MYOM1: variants seen among roughly 807,000 people sequenced by gnomAD.
MYOM1 encodes the protein myomesin 1, also known as myomesin-1.
A neutral mutation model predicts 205.3 loss-of-function variants in MYOM1; 164 were observed. That is an observed-to-expected ratio of 0.80 (90% CI 0.70 to 0.91). The LOEUF (loss-of-function observed/expected upper bound fraction) is 0.91. MYOM1 is among the 40% of genes least tolerant of loss of function. MYOM1 has a pLI of 0.00. For missense variants in MYOM1, 2,011 were observed against 2,127.3 expected, an observed-to-expected ratio of 0.95 and a Z score of 1.08; for synonymous variants, 772 against 789.4, an observed-to-expected ratio of 0.98 and a Z score of 0.37.
intron 18 of MYOM1, among the ~76,000 whole-genome samples, chr18:3,127,760 A>T (rs1157802131): frequency 1.3e-5 from 2 of 152,212 alleles, no homozygotes; most frequent in Non-Finnish European, 2.9e-5. Context: ...AAACATTTTT[A>T]AAAAACAGAC....
Position 3,076,887 on chromosome 18 carries a change from T to C in MYOM1, c.4649-1126A>G, listed in dbSNP as rs138451339. Among the ~76,000 whole-genome samples, 1,473 of 152,216 alleles carry C rather than the reference T, an allele frequency of 9.7e-3. 22 individuals are homozygous for C. Among genetic ancestry groups the C allele is most frequent in the African/African-American group, 0.033 (1,350 of 41,518 alleles). ...CACCACCATGACCAGCTAATTTTTG[T>C]ATTTTTTGTAGAGACGGGGTTTCAC... On this transcript the variant is annotated intron_variant, in intron 34 of 37. Coordinates refer to ENST00000356443, the MANE Select transcript of MYOM1 (RefSeq NM_003803.4).
At chr18:3,094,379 G>GAAAAAAA (rs36091956) in intron 25 of MYOM1, 73 bp from the exon 26 acceptor site, 1 of 766,890 alleles carries the variant, frequency 1.3e-6, no homozygotes, top group Non-Finnish European at 1.9e-6. Flanking sequence ...TCCATCAAGT[G>GAAAAAAA]AAAAAAAAAA....
the MYOM1 span, among the ~76,000 whole-genome samples, chr18:3,239,771 A>G: frequency 6.6e-6 from 1 of 150,536 alleles, no homozygotes; most frequent in East Asian, 1.9e-4. Flanking sequence ...AAAAAAAAAA[A>G]AAAAAAAAAA....
At chr18:3,246,864 C>T in the MYOM1 span, 1 of 152,178 alleles carries the variant, frequency 6.6e-6, no homozygotes, top group Non-Finnish European at 1.5e-5. Flanking sequence ...ACAAGTCTTC[C>T]TTATCGGATT....
chr18:3,098,526 C>G (rs2079335834), intron 25 of MYOM1, among the ~76,000 whole-genome samples: 1 of 152,098 alleles, frequency 6.6e-6, no homozygotes, highest in African/African-American at 2.4e-5. Context: ...ATCCACCCAC[C>G]TTGGCCTCCC....
intron 14 of MYOM1, among the ~76,000 whole-genome samples, chr18:3,136,141 T>C (rs967356622): frequency 1.3e-5 from 2 of 151,968 alleles, no homozygotes; most frequent in Non-Finnish European, 2.9e-5. Context: ...CCTGCCACCG[T>C]GTAAGACGTG....
chr18:3,161,905 G>A (rs1202402098), intron 10 of MYOM1, among the ~76,000 whole-genome samples: 3 of 152,114 alleles, frequency 2.0e-5, no homozygotes, highest in Non-Finnish European at 4.4e-5. Flanking sequence ...TGACAAGCCG[G>A]TAAAGCCTAG....
chr18:3,163,137 G>A (rs2080418668), intron 10 of MYOM1, among the ~76,000 whole-genome samples: 1 of 152,186 alleles, frequency 6.6e-6, no homozygotes. Context: ...TTGCTTCCTA[G>A]TTCATCAAAA....
intron 22 of MYOM1, among the ~76,000 whole-genome samples, chr18:3,107,616 A>C (rs923276480): frequency 3.3e-5 from 5 of 152,232 alleles, no homozygotes; most frequent in Admixed American, 6.5e-5. Context: ...GTTTAAGATT[A>C]TGACATTTAT....
At chr18:3,092,174 T>C (rs2079234973) in intron 26 of MYOM1, among the ~76,000 whole-genome samples, 1 of 151,760 alleles carries the variant, frequency 6.6e-6, no homozygotes, top group Admixed American at 6.6e-5. Flanking sequence ...AACTAATACA[T>C]GAAAAAAAAT....
intron 9 of MYOM1, among the ~76,000 whole-genome samples, chr18:3,168,389 A>C (rs1037637119): frequency 1.3e-5 from 2 of 152,144 alleles, no homozygotes; most frequent in African/African-American, 4.8e-5. Flanking sequence ...CCTGGGTTCA[A>C]GTGATTCTCC....
intron 20 of MYOM1, among the ~76,000 whole-genome samples, chr18:3,119,034 G>A (rs150880283): frequency 1.2e-3 from 182 of 152,120 alleles, no homozygotes; most frequent in South Asian, 4.0e-3. Flanking sequence ...AAATCTTAAC[G>A]GCTTAGTAAA....
At chr18:3,089,720 A>AT in intron 27 of MYOM1, 124 bp from the exon 28 acceptor site, 1 of 612,464 alleles carries the variant, frequency 1.6e-6, no homozygotes, top group Non-Finnish European at 2.6e-6. Context: ...AACCCTGCTC[A>AT]TTTTTTATCT....
intron 4 of MYOM1, among the ~76,000 whole-genome samples, chr18:3,188,343 G>A (rs1184393554): frequency 6.6e-6 from 1 of 152,110 alleles, no homozygotes; most frequent in East Asian, 1.9e-4. Context: ...TCAGCTGGGT[G>A]CAGTGGCTCA....
intron 34 of MYOM1, among the ~76,000 whole-genome samples, chr18:3,076,430 G>C (rs4500827): frequency 0.24 from 35,978 of 152,050 alleles, 6,494 homozygotes; most frequent in African/African-American, 0.51. Flanking sequence ...CAAACAAAAA[G>C]GAAAACAAAA....
intron 19 of MYOM1, among the ~76,000 whole-genome samples, chr18:3,123,863 CA>C (rs1194006893): frequency 6.7e-6 from 1 of 148,854 alleles, no homozygotes; most frequent in African/African-American, 2.6e-5. Flanking sequence ...GCTCTGTCAC[CA>C]AGCCTGGAGT....
chr18:3,067,162 G>A lies in MYOM1; in HGVS notation c.*100C>T, dbSNP rs1051583119. ...CTGACATTATTTTCCCCTCAAGCCAGAAAATAATAGGGAGGAGAAAGCATG... is the reference window on the plus strand; with the variant it reads ...CTGACATTATTTTCCCCTCAAGCCAAAAAATAATAGGGAGGAGAAAGCATG... On this transcript the variant is annotated 3_prime_UTR_variant, in exon 38 of 38. Coordinates refer to ENST00000356443, the MANE Select transcript of MYOM1 (RefSeq NM_003803.4). 1 of 1,332,050 alleles carries A rather than the reference G, an allele frequency of 7.5e-7. No homozygotes were observed. Among genetic ancestry groups the A allele is most frequent in the African/African-American group, 1.5e-5 (1 of 67,364 alleles). The allele number at this position is 1,332,050 out of a possible 1,614,324, so 82.5% of individuals were successfully genotyped here.
the MYOM1 span, among the ~76,000 whole-genome samples, chr18:3,237,205 C>T: frequency 6.6e-6 from 1 of 152,132 alleles, no homozygotes; most frequent in Admixed American, 6.5e-5. Flanking sequence ...CAGCACTACT[C>T]ACAATAGCTA....
chr18:3,100,027 A>C, intron 25 of MYOM1, 132 bp downstream of exon 25: 1 of 889,242 alleles, frequency 1.1e-6, no homozygotes, highest in South Asian at 1.6e-5. Flanking sequence ...ATCTGTAGCT[A>C]CTGATGTGTG....
Sources: allele counts gnomAD v4.1 joint callset (sites outside exome capture counted in the v4.1 genomes callset), GRCh38; gene constraint gnomAD v4.1.1; transcripts MANE v1.5; gene names NCBI Gene and HGNC (gene_info 2026-07-23, HGNC 2026-07-21).